DCP1A: variants seen among roughly 807,000 people sequenced by gnomAD.
DCP1A encodes the protein mRNA-decapping enzyme 1A.
DCP1A carries 20 observed loss-of-function variants against 58.0 expected under a neutral mutation model. That is an observed-to-expected ratio of 0.34 (90% CI 0.24 to 0.50). The LOEUF is 0.50. Ranked by LOEUF, DCP1A falls within the 20% of genes least tolerant of loss-of-function variation. The pLI is 0.98. For synonymous variants in DCP1A, 285 were observed against 275.1 expected (o/e 1.04, Z -0.36); for missense variants, 613 against 712.2 (o/e 0.86, Z 1.59).
intron 4 of DCP1A, among the ~76,000 whole-genome samples, chr3:53,313,830 T>C (rs1395036700): frequency 6.6e-6 from 1 of 152,080 alleles, no homozygotes; most frequent in African/African-American, 2.4e-5. Context: ...AGATGGCTTT[T>C]TTATTTAAAA....
chr3:53,343,873 A>G (rs1452962036), intron 2 of DCP1A, among the ~76,000 whole-genome samples: 1 of 152,202 alleles, frequency 6.6e-6, no homozygotes, highest in African/African-American at 2.4e-5. Flanking sequence ...GGCCTCCCAA[A>G]GTGCTGGGAT....
At chr3:53,316,730 C>A (rs1470715918) in intron 4 of DCP1A, among the ~76,000 whole-genome samples, 2 of 151,914 alleles carry the variant, frequency 1.3e-5, no homozygotes, top group African/African-American at 4.8e-5. Context: ...CAGGCATGAG[C>A]CACTGTGCCC....
intron 1 of DCP1A, 49 bp from the exon 2 acceptor site, chr3:53,344,991 C>T: frequency 7.3e-7 from 1 of 1,371,792 alleles, no homozygotes; most frequent in East Asian, 2.3e-5. Context: ...TAATCAGACC[C>T]CAAATAGTCC....
At position 53,292,483 on chromosome 3, in the gene DCP1A, TG is replaced by T; in HGVS notation, c.968del (p.Pro323GlnfsTer19). ...GAACCTGTGCAGTAGGAGCTTCAGC[TG>T]GCAGAGTGGGACTGAGAACAGGGCT... The part of the protein sequence containing the change: ...PLSPVLSPTL[P>X]AEAPTAQVPP... On this transcript the variant is annotated frameshift_variant, in exon 7 of 10. Transcript: ENST00000610213. LOFTEE classifies it high-confidence loss of function. 6.2e-7 allele frequency: 1 copy of T among 1,614,008 alleles called. No homozygotes were observed. Among genetic ancestry groups the T allele is most frequent in the South Asian group, 1.1e-5 (1 of 91,082 alleles).
chr3:53,299,510 T>C (rs931561652), intron 6 of DCP1A, among the ~76,000 whole-genome samples: 1 of 152,206 alleles, frequency 6.6e-6, no homozygotes, highest in Non-Finnish European at 1.5e-5. Context: ...CCACGGAGAA[T>C]TGATGTTTAG....
At position 53,312,357 on chromosome 3, in the gene DCP1A, G is replaced by A. The variant is rs1553688771; in HGVS notation, c.394C>T (p.Arg132Ter). The A allele has an allele frequency of 3.7e-6, 6 of 1,609,604 alleles. No individual in the cohort carries two copies. Among genetic ancestry groups the A allele is most frequent in the Non-Finnish European group, 2.5e-6 (3 of 1,178,114 alleles). ...TTGTCCCGAGCAGCTTGCTGGGATCGCCGTGTCTCCTCTTCTACCACACTA... is the reference window on the plus strand; with the variant it reads ...TTGTCCCGAGCAGCTTGCTGGGATCACCGTGTCTCCTCTTCTACCACACTA... ...MADVVEEETR[R>*]SQQAARDKQS... is the part of the protein sequence containing the mutation. Residue 132 changes from arginine (R) to a stop codon, truncating the protein, a stop_gained, in exon 5 of 10, where the codon CGA (arginine) becomes TGA (stop). Transcript: ENST00000610213. LOFTEE classifies it high-confidence loss of function.
chr3:53,325,998 A>T (rs1465236215), intron 3 of DCP1A, among the ~76,000 whole-genome samples: 3 of 152,222 alleles, frequency 2.0e-5, no homozygotes, highest in Admixed American at 6.5e-5. Context: ...TATGGTAGAG[A>T]AAGAGTCCAA....
chr3:53,288,190 A>G lies in DCP1A; in HGVS notation c.1543T>C (p.Ser515Pro), dbSNP rs782606929. The part of the protein sequence containing the change: ...SVFQQTVTRS[S>P]DLERKASSPS... ...GAGCTGGCTTTCCTCTCAAGGTCCG[A>G]AGATCTTGTAACTGTCTGCTGGAAA... is the stretch of plus-strand genomic sequence containing the variant. Residue 515 changes from serine (S) to proline (P), a missense_variant, in exon 9 of 10, where the codon TCG becomes CCG. By Grantham distance (74) the Ser-to-Pro change is moderately conservative. This residue lies in a region of DCP1A where 498 missense variants were observed against 556.7 expected (regional missense o/e 0.89). Transcript: ENST00000610213. 1.2e-6 allele frequency: 2 copies of G among 1,614,022 alleles called. No homozygotes were observed. Among genetic ancestry groups the G allele is most frequent in the Non-Finnish European group, 1.7e-6 (2 of 1,179,896 alleles).
At position 53,288,043 on chromosome 3, in the gene DCP1A, A is replaced by AT. The variant is rs1553685389; in HGVS notation, c.1668+21dup. On this transcript the variant is annotated intron_variant, in intron 9 of 9. Coordinates refer to ENST00000610213, the MANE Select transcript of DCP1A (RefSeq NM_018403.7). ...TTCATTAAATAATGAAAAATCAAAG[A>AT]TAAAATTGGTATCCTACATACCTTT... 6 of 1,566,528 alleles carry AT rather than the reference A, an allele frequency of 3.8e-6. No individual in the cohort carries two copies. The South Asian group carries it at 6.9e-5, about 18-fold the overall frequency.
At chr3:53,297,413 T>C (rs1319216113) in intron 6 of DCP1A, among the ~76,000 whole-genome samples, 2 of 150,948 alleles carry the variant, frequency 1.3e-5, no homozygotes, top group Non-Finnish European at 2.9e-5. Flanking sequence ...CAGGCTGGAG[T>C]GCAGTGGTGT....
rs564202979 is a variant in DCP1A at position 53,311,501 on chromosome 3, C to G, written c.510+740G>C. ...AAAGTACCACAATTGCCATTTTATT[C>G]AACTTTTGGGAGAAAATTTTATCAG... is the stretch of plus-strand genomic sequence containing the variant. On this transcript the variant is annotated intron_variant, in intron 5 of 9. Transcript: ENST00000610213. Among the ~76,000 whole-genome samples the G allele has an allele frequency of 2.2e-4, 34 of 152,228 alleles. No homozygotes were observed. The South Asian group carries it at 7.1e-3, about 32-fold the overall frequency.
chr3:53,342,125 A>G lies in DCP1A; in HGVS notation c.304+19T>C. 4 of 1,577,216 alleles carry G rather than the reference A, an allele frequency of 2.5e-6. No individual in the cohort carries two copies. The highest frequency in any genetic ancestry group is 3.4e-6 in the Non-Finnish European group (4 of 1,159,754). On this transcript the variant is annotated intron_variant, in intron 3 of 9. Coordinates refer to ENST00000610213, the MANE Select transcript of DCP1A (RefSeq NM_018403.7). ...CTCAATTTTAAATGTAATAACTATA[A>G]TAAAACAGATATACTCACAGCTTGC...
In DCP1A at chr3:53,292,353, T is replaced by G. The variant is rs782134348; in HGVS notation, c.1099A>C (p.Ser367Arg). 4 of 1,612,824 alleles carry G rather than the reference T, an allele frequency of 2.5e-6. No homozygotes were observed. The highest frequency in any genetic ancestry group is 3.4e-6 in the Non-Finnish European group (4 of 1,178,954). ...AAGGGGCTCTGGTTGGCAATCAGAC[T>G]GGCATGGCTTAGCTCAGGGACTGGC... ...NQPVPELSHA[S>R]LIANQSPFRA... The change falls in exon 7 of 10, where the codon AGT becomes CGT. Residue 367 changes from serine (S) to arginine (R), a missense_variant. Physicochemically the swap from Ser to Arg is moderately radical, Grantham distance 110. Coordinates refer to ENST00000610213, the MANE Select transcript of DCP1A (RefSeq NM_018403.7).
intron 8 of DCP1A, among the ~76,000 whole-genome samples, chr3:53,289,726 G>A (rs914418418): frequency 6.6e-6 from 1 of 151,958 alleles, no homozygotes; most frequent in Non-Finnish European, 1.5e-5. Flanking sequence ...CCATTTAGAT[G>A]TGCTTCTAGG....
At chr3:53,329,381 C>T (rs1005365678) in intron 3 of DCP1A, 4 of 398,238 alleles carry the variant, frequency 1.0e-5, no homozygotes, top group African/African-American at 4.1e-5. Flanking sequence ...GATCGATGCC[C>T]GATATAAAGG....
chr3:53,301,375 G>A (rs561366888), intron 6 of DCP1A, among the ~76,000 whole-genome samples: 2 of 151,940 alleles, frequency 1.3e-5, no homozygotes, highest in East Asian at 1.9e-4. Flanking sequence ...AGGTTCAAGC[G>A]ATTCTCGTGC....
chr3:53,342,020 T>A (rs1296706290), intron 3 of DCP1A, 124 bp downstream of exon 3: 3 of 853,398 alleles, frequency 3.5e-6, no homozygotes, highest in Non-Finnish European at 5.3e-6. Flanking sequence ...ACAGACTCAT[T>A]TATAATCATT....
Position 53,283,504 on chromosome 3 carries a change from G to A in DCP1A, c.*4076C>T, listed in dbSNP as rs1258375368. 2.6e-5 allele frequency: 4 copies of A among 151,970 alleles called. No homozygotes were observed. The highest frequency in any genetic ancestry group is 5.9e-5 in the Non-Finnish European group (4 of 67,984). The allele number at this position is 151,970 out of a possible 1,614,324, so 9.4% of individuals were successfully genotyped here. A position where few individuals can be genotyped will look rare whatever the true frequency, so the allele number is the denominator to read the frequency against. On this transcript the variant is annotated 3_prime_UTR_variant, in exon 10 of 10. Transcript: ENST00000610213. ...ACATATAAAATTTAAGATGAAAAACGCTCATTTTAAAACATGTAATAACTT... is the reference window on the plus strand; with the variant it reads ...ACATATAAAATTTAAGATGAAAAACACTCATTTTAAAACATGTAATAACTT...
intron 3 of DCP1A, among the ~76,000 whole-genome samples, chr3:53,339,366 T>G (rs992100587): frequency 5.3e-5 from 8 of 152,214 alleles, no homozygotes; most frequent in African/African-American, 1.9e-4. Context: ...TTTTCTAAAG[T>G]AAAATGCATT....
Sources: gnomAD v4.1 joint callset for allele counts (sites outside exome capture counted in the v4.1 genomes callset) on GRCh38, gnomAD v4.1.1 for gene constraint, gnomAD v4.1.1 regional missense constraint, MANE v1.5 for transcripts, NCBI Gene and HGNC (gene_info 2026-07-23, HGNC 2026-07-21) for gene names.